MSRA: variants seen among roughly 807,000 people sequenced by gnomAD.
The protein encoded by MSRA is mitochondrial peptide methionine sulfoxide reductase.
In MSRA, 54 loss-of-function variants were observed where a neutral mutation model predicts 31.3. The ratio of observed to expected loss-of-function variants is 1.73; its 90% confidence interval spans 1.39 to 2.17. The LOEUF (loss-of-function observed/expected upper bound fraction) is 2.17, where lower values mean the gene tolerates loss of function less well. Ranked by LOEUF, MSRA falls within the 30% of genes most tolerant of loss-of-function variation. The pLI, the probability that MSRA is intolerant of heterozygous loss-of-function variation, is 0.00. For synonymous variants in MSRA, 169 were observed against 116.5 expected (o/e 1.45, Z -2.90); for missense variants, 507 against 300.9 (o/e 1.69, Z -5.07).
At chr8:10,158,016 C>T (rs1401152755) in intron 1 of MSRA, among the ~76,000 whole-genome samples, 1 of 152,128 alleles carries the variant, frequency 6.6e-6, no homozygotes, top group Non-Finnish European at 1.5e-5. Context: ...GTGGAAAGTC[C>T]AAGATCAAGG....
At chr8:10,085,889 T>C (rs377619664) in intron 1 of MSRA, among the ~76,000 whole-genome samples, 3 of 152,234 alleles carry the variant, frequency 2.0e-5, no homozygotes, top group African/African-American at 7.2e-5. Context: ...ATAGTGTTCC[T>C]GTGGTTCTTC....
intron 3 of MSRA, among the ~76,000 whole-genome samples, chr8:10,265,138 ATG>A (rs1454649262): frequency 6.6e-6 from 1 of 152,160 alleles, no homozygotes; most frequent in Non-Finnish European, 1.5e-5. Context: ...TTACCAAATT[ATG>A]TCCTGGAAGA....
rs184187740 is a variant in MSRA, at chr8:10,132,443, G to A, written c.143-75390G>A. Among the ~76,000 whole-genome samples the A allele has an allele frequency of 2.2e-3, 333 of 152,282 alleles. 2 individuals carry two copies. Among genetic ancestry groups the A allele is most frequent in the Middle Eastern group, 0.01 (3 of 294 alleles). ...CTGCTATAGCAGCATACCGTAGGCTGGGTGGCTTCAACAACAAATTTATTT... is the reference window on the plus strand; with the variant it reads ...CTGCTATAGCAGCATACCGTAGGCTAGGTGGCTTCAACAACAAATTTATTT... On this transcript the variant is annotated intron_variant, in intron 1 of 5. Coordinates refer to ENST00000317173, the MANE Select transcript of MSRA (RefSeq NM_012331.5).
At chr8:10,361,613 C>T (rs1020708301) in intron 5 of MSRA, among the ~76,000 whole-genome samples, 6 of 152,180 alleles carry the variant, frequency 3.9e-5, no homozygotes, top group African/African-American at 1.4e-4. Flanking sequence ...GGAGAGCATA[C>T]TTGAGACATT....
At chr8:10,347,911 G>A (rs532881837) in intron 5 of MSRA, among the ~76,000 whole-genome samples, 20 of 152,100 alleles carry the variant, frequency 1.3e-4, no homozygotes, top group Non-Finnish European at 2.6e-4. Flanking sequence ...TAGATACTAC[G>A]CTGTGCTGTA....
chr8:10,145,065 A>G (rs1803025317), intron 1 of MSRA, among the ~76,000 whole-genome samples: 1 of 152,146 alleles, frequency 6.6e-6, no homozygotes, highest in Non-Finnish European at 1.5e-5. Flanking sequence ...GGATGAAATT[A>G]TAGGTGCACA....
At chr8:10,388,392 T>TA (rs1806525456) in intron 5 of MSRA, among the ~76,000 whole-genome samples, 1 of 152,248 alleles carries the variant, frequency 6.6e-6, no homozygotes, top group Non-Finnish European at 1.5e-5. Flanking sequence ...TCTGTAGATG[T>TA]AAAATTTCCC....
intron 1 of MSRA, among the ~76,000 whole-genome samples, chr8:10,113,292 C>CTTTTTTTTTTTTCTTTTT (rs1800429747): frequency 1.7e-5 from 1 of 57,596 alleles, no homozygotes; most frequent in African/African-American, 7.8e-5. Context: ...GACAGGTCTT[C>CTTTTTTTTTTTTCTTTTT]TTTTTTTTTT....
At chr8:10,107,356 C>T (rs917214461) in intron 1 of MSRA, among the ~76,000 whole-genome samples, 2 of 151,934 alleles carry the variant, frequency 1.3e-5, no homozygotes, top group African/African-American at 4.8e-5. Context: ...TAGTTTGCCT[C>T]CTTGTAACCA....
chr8:10,282,615 C>A (rs1187778439), intron 3 of MSRA, among the ~76,000 whole-genome samples: 1 of 152,160 alleles, frequency 6.6e-6, no homozygotes, highest in African/African-American at 2.4e-5. Context: ...ATTACCTTCT[C>A]GTCTGTTCTC....
intron 1 of MSRA, among the ~76,000 whole-genome samples, chr8:10,110,583 C>G (rs1800206730): frequency 6.6e-6 from 1 of 152,214 alleles, no homozygotes; most frequent in South Asian, 2.1e-4. Context: ...TTCACAGACT[C>G]TCATATTTGG....
intron 2 of MSRA, among the ~76,000 whole-genome samples, chr8:10,231,278 A>G (rs537112444): frequency 6.6e-6 from 1 of 152,308 alleles, no homozygotes; most frequent in South Asian, 2.1e-4. Flanking sequence ...AAGAAAGTAC[A>G]TAAAATTTGA....
intron 1 of MSRA, among the ~76,000 whole-genome samples, chr8:10,172,923 C>T (rs749726577): frequency 7.2e-5 from 11 of 152,146 alleles, no homozygotes; most frequent in Non-Finnish European, 1.5e-4. Flanking sequence ...CAGATGGGAC[C>T]AGTCATTCTC....
At chr8:10,417,451 C>T (rs1024541298) in intron 5 of MSRA, among the ~76,000 whole-genome samples, 23 of 150,902 alleles carry the variant, frequency 1.5e-4, no homozygotes, top group Non-Finnish European at 3.1e-4. Flanking sequence ...CACACATACG[C>T]ACACTCCATG....
chr8:10,324,033 C>T (rs1802217293), intron 5 of MSRA, among the ~76,000 whole-genome samples: 1 of 152,164 alleles, frequency 6.6e-6, no homozygotes, highest in Non-Finnish European at 1.5e-5. Flanking sequence ...TGTTTTCGTA[C>T]CAGCTAATTG....
At chr8:10,368,764 C>T (rs938579711) in intron 5 of MSRA, among the ~76,000 whole-genome samples, 3 of 152,242 alleles carry the variant, frequency 2.0e-5, no homozygotes, top group Non-Finnish European at 2.9e-5. Flanking sequence ...GTGAATGTCA[C>T]TTCTTCCATT....
At chr8:10,426,647 C>T (rs989567175) in intron 5 of MSRA, among the ~76,000 whole-genome samples, 8 of 152,214 alleles carry the variant, frequency 5.3e-5, no homozygotes, top group Non-Finnish European at 1.2e-4. Context: ...GCGAGCTTTC[C>T]GCCTGTGCGG....
chr8:10,102,862 A>AT (rs959257058), intron 1 of MSRA, among the ~76,000 whole-genome samples: 1 of 152,074 alleles, frequency 6.6e-6, no homozygotes, highest in Non-Finnish European at 1.5e-5. Flanking sequence ...TGATACTGTT[A>AT]TTTTTATTGT....
At chr8:10,255,274 G>T (rs1003119477) in intron 3 of MSRA, among the ~76,000 whole-genome samples, 4 of 152,212 alleles carry the variant, frequency 2.6e-5, no homozygotes, top group African/African-American at 7.2e-5. Flanking sequence ...AAACTCGCAG[G>T]ATTATTGAGG....
Sources: allele counts gnomAD v4.1 joint callset (sites outside exome capture counted in the v4.1 genomes callset), GRCh38; gene constraint gnomAD v4.1.1; transcripts MANE v1.5; gene names NCBI Gene and HGNC (gene_info 2026-07-23, HGNC 2026-07-21).